Variants in PDE8B observed in about 807,000 individuals in gnomAD.
PDE8B encodes high affinity cAMP-specific and IBMX-insensitive 3',5'-cyclic phosphodiesterase 8B.
In PDE8B, 26 loss-of-function variants were observed where a neutral mutation model predicts 101.3. The ratio of observed to expected loss-of-function variants is 0.26; its 90% CI spans 0.19 to 0.36. The LOEUF is 0.36. PDE8B is among the 10% of genes least tolerant of loss of function. PDE8B has a pLI of 1.00. For synonymous variants in PDE8B, 424 were observed against 429.3 expected, an observed-to-expected ratio of 0.99 and a Z score of 0.15; for missense variants, 810 against 1,163.1, an observed-to-expected ratio of 0.70 and a Z score of 4.42.
rs1226680552 is a variant in PDE8B at position 77,257,183 on chromosome 5, A to C, written c.339+45919A>C. ...ACTAAGAACAGAGAAGAGAAGTACAAAACAAAAAGCAAGATGATAGATTTA... is the reference window on the plus strand; with the variant it reads ...ACTAAGAACAGAGAAGAGAAGTACACAACAAAAAGCAAGATGATAGATTTA... On this transcript the variant is annotated intron_variant, in intron 1 of 21. Coordinates refer to ENST00000264917, the MANE Select transcript of PDE8B (RefSeq NM_003719.5). Among the ~76,000 whole-genome samples the C allele has an allele frequency of 2.0e-5, 3 of 152,238 alleles. No individual in the cohort carries two copies. The East Asian group carries it at 5.8e-4, about 29-fold the overall frequency.
chr5:77,272,192 G>A (rs1483670609), intron 1 of PDE8B, among the ~76,000 whole-genome samples: 1 of 152,166 alleles, frequency 6.6e-6, no homozygotes, highest in African/African-American at 2.4e-5. Context: ...GCAAATCATG[G>A]GAATGTGATG....
chr5:77,238,213 T>A (rs34414970), intron 1 of PDE8B, among the ~76,000 whole-genome samples: 1 of 151,942 alleles, frequency 6.6e-6, no homozygotes, highest in Non-Finnish European at 1.5e-5. Flanking sequence ...ATGACATGAT[T>A]TTAAGACCTT....
At position 77,344,842 on chromosome 5, in the gene PDE8B, A is replaced by G. The variant is rs765306622; in HGVS notation, c.798-11A>G. On this transcript the variant is annotated splice_polypyrimidine_tract_variant and intron_variant, in intron 6 of 21. Transcript: ENST00000264917. ...ATAGAAGAACTAACTTCAATCTTTT[A>G]TAACTTTCAGGGCCTGTAATTCAGT... 7.0e-6 allele frequency: 11 copies of G among 1,564,672 alleles called. No homozygotes were observed. The Admixed American group carries it at 1.0e-4, about 14-fold the overall frequency.
At chr5:77,362,162 G>T (rs936767153) in intron 10 of PDE8B, among the ~76,000 whole-genome samples, 1 of 152,148 alleles carries the variant, frequency 6.6e-6, no homozygotes, top group South Asian at 2.1e-4. Context: ...ATAAATGATG[G>T]GCAAGGCTAT....
intron 11 of PDE8B, among the ~76,000 whole-genome samples, chr5:77,403,842 G>A (rs1792830796): frequency 6.7e-6 from 1 of 150,346 alleles, no homozygotes; most frequent in Admixed American, 6.7e-5. Context: ...TTTGGAGACA[G>A]AGTTTCACTC....
the PDE8B span, among the ~76,000 whole-genome samples, chr5:77,176,063 T>C: frequency 6.6e-6 from 1 of 152,210 alleles, no homozygotes; most frequent in Non-Finnish European, 1.5e-5. Flanking sequence ...CTTCTATTTG[T>C]GTCCTCTTAG....
intron 1 of PDE8B, among the ~76,000 whole-genome samples, chr5:77,235,182 C>T (rs1754412172): frequency 6.6e-6 from 1 of 152,188 alleles, no homozygotes; most frequent in Non-Finnish European, 1.5e-5. Context: ...CCCTACCTTC[C>T]TTCTGGTATT....
intron 2 of PDE8B, among the ~76,000 whole-genome samples, chr5:77,319,755 C>T (rs541159754): frequency 6.6e-6 from 1 of 152,240 alleles, no homozygotes; most frequent in African/African-American, 2.4e-5. Flanking sequence ...GAAAGGAGCT[C>T]TGGGGATATT....
chr5:77,290,637 G>C (rs893178184), intron 1 of PDE8B: 18 of 1,511,922 alleles, frequency 1.2e-5, no homozygotes, highest in Non-Finnish European at 1.7e-5. Context: ...GGAGTATGTG[G>C]ATATCTGTGA....
chr5:77,231,437 T>C (rs1753537351), intron 1 of PDE8B, among the ~76,000 whole-genome samples: 1 of 152,258 alleles, frequency 6.6e-6, no homozygotes. Flanking sequence ...TGTTTTTCTT[T>C]GGTTACAGTG....
intron 1 of PDE8B, chr5:77,290,886 GC>G: frequency 6.2e-7 from 1 of 1,601,422 alleles, no homozygotes; most frequent in Non-Finnish European, 8.6e-7. Flanking sequence ...AAAGATAATA[GC>G]CAAGGTTCTG....
At position 77,349,437 on chromosome 5, in the gene PDE8B, G is replaced by A. The variant is rs1389677367; in HGVS notation, c.895G>A (p.Glu299Lys). The change falls in exon 8 of 22, where the codon GAA becomes AAA. Residue 299 changes from glutamate (E) to lysine (K), a missense_variant. Coordinates refer to ENST00000264917, the MANE Select transcript of PDE8B (RefSeq NM_003719.5). ...TTAACAGTATGTCAACCCAGCCTTC[G>A]AAAGGATGATGGGCTACCACAAAGG... ...HVIQYVNPAF[E>K]RMMGYHKGEL... is the part of the protein sequence containing the mutation. The A allele has an allele frequency of 1.9e-6, 3 of 1,614,126 alleles. No homozygotes were observed. Among genetic ancestry groups the A allele is most frequent in the Admixed American group, 1.7e-5 (1 of 60,028 alleles).
At chr5:77,376,261 G>T (rs1011484779) in intron 10 of PDE8B, among the ~76,000 whole-genome samples, 3 of 152,230 alleles carry the variant, frequency 2.0e-5, no homozygotes, top group Middle Eastern at 3.4e-3. Context: ...AGGTTATTTA[G>T]TATCAAATTT....
At chr5:77,167,012 G>A in the PDE8B span, 1 of 152,132 alleles carries the variant, frequency 6.6e-6, no homozygotes, top group African/African-American at 2.4e-5. Context: ...GCACCACATT[G>A]GTCCCTAGCA....
In PDE8B at chr5:77,211,388, A is replaced by G. The variant is rs1748363832; in HGVS notation, c.339+124A>G. On this transcript the variant is annotated intron_variant, in intron 1 of 21. Transcript: ENST00000264917. The surrounding 1 kb of genome is among the most constrained non-coding windows in gnomAD (Gnocchi z 4.1). The stretch of plus-strand genomic sequence containing the variant: ...CGGTTGGTTTGGAGAGGTTGTCACT[A>G]AGGAGGAGTTTACTTTTCATTTGTG... 2.4e-6 allele frequency: 2 copies of G among 846,372 alleles called. No individual in the cohort carries two copies. Among genetic ancestry groups the G allele is most frequent in the East Asian group, 3.0e-5 (1 of 32,978 alleles). 52.4% of individuals were successfully genotyped at this position (846,372 alleles called of 1,614,324 possible).
the PDE8B span, among the ~76,000 whole-genome samples, chr5:77,097,254 C>A: frequency 3.4e-3 from 518 of 152,158 alleles, 4 homozygotes; most frequent in African/African-American, 0.012. Context: ...TGGGGAGCCA[C>A]GGTGGGAGAG....
the PDE8B span, chr5:77,151,413 C>A: frequency 6.6e-6 from 1 of 152,228 alleles, no homozygotes; most frequent in Non-Finnish European, 1.5e-5. Context: ...GATTTTTATA[C>A]AACTGACATT....
intron 11 of PDE8B, among the ~76,000 whole-genome samples, chr5:77,402,964 C>T (rs1190345661): frequency 6.6e-6 from 1 of 152,104 alleles, no homozygotes; most frequent in African/African-American, 2.4e-5. Context: ...GGAATATGAT[C>T]ACTTATTGGC....
At chr5:77,111,215 A>G in the PDE8B span, among the ~76,000 whole-genome samples, 3 of 152,336 alleles carry the variant, frequency 2.0e-5, no homozygotes, top group Middle Eastern at 6.8e-3. Flanking sequence ...TGGCAGCAAT[A>G]GAAATGAGAG....
Sources: allele counts gnomAD v4.1 joint callset (sites outside exome capture counted in the v4.1 genomes callset), GRCh38; gene constraint gnomAD v4.1.1; non-coding constraint Gnocchi (gnomAD v3.1); transcripts MANE v1.5; gene names NCBI Gene and HGNC (gene_info 2026-07-23, HGNC 2026-07-21).